PTPRQ: variants seen among roughly 807,000 people sequenced by gnomAD.
The protein encoded by PTPRQ is protein tyrosine phosphatase receptor type Q.
A neutral mutation model predicts 246.0 loss-of-function variants in PTPRQ; 199 were observed. That is an observed-to-expected ratio of 0.81 (90% CI 0.72 to 0.91). PTPRQ has a LOEUF of 0.91. Among genes scored for constraint, PTPRQ ranks in the 40% least tolerant of loss-of-function variants. The pLI is 0.00. For missense variants in PTPRQ, 2,624 were observed against 2,528.4 expected (o/e 1.04, Z -0.81); for synonymous variants, 869 against 853.2 (o/e 1.02, Z -0.32).
At chr12:80,552,648 TATATATATATATATATA>T (rs1896516957) in intron 25 of PTPRQ, among the ~76,000 whole-genome samples, 3 of 3,914 alleles carry the variant, frequency 7.7e-4, no homozygotes, top group African/African-American at 1.8e-3. Context: ...AAAAAAATTA[TATATATATATATATATA>T]TATATATATA....
intron 8 of PTPRQ, among the ~76,000 whole-genome samples, chr12:80,474,836 C>T (rs758246933): frequency 3.9e-5 from 6 of 152,070 alleles, no homozygotes; most frequent in Non-Finnish European, 7.4e-5. Flanking sequence ...TAAAAGCAGA[C>T]AAATTTCTGA....
intron 25 of PTPRQ, among the ~76,000 whole-genome samples, chr12:80,562,057 T>C (rs1896843486): frequency 6.6e-6 from 1 of 152,200 alleles, no homozygotes; most frequent in African/African-American, 2.4e-5. Context: ...CTTTGCTTGT[T>C]AATAAGGTGG....
At chr12:80,563,609 T>C (rs1319633338) in intron 25 of PTPRQ, among the ~76,000 whole-genome samples, 2 of 152,170 alleles carry the variant, frequency 1.3e-5, no homozygotes, top group East Asian at 3.8e-4. Context: ...CAGGTAGGGG[T>C]AGAAATCCGG....
At chr12:80,620,697 G>A (rs1898949138) in intron 32 of PTPRQ, among the ~76,000 whole-genome samples, 1 of 151,766 alleles carries the variant, frequency 6.6e-6, no homozygotes, top group Non-Finnish European at 1.5e-5. Context: ...AGAGGACAAT[G>A]TGACTAATGT....
At chr12:80,556,868 C>A (rs181259852) in intron 25 of PTPRQ, among the ~76,000 whole-genome samples, 1 of 152,182 alleles carries the variant, frequency 6.6e-6, no homozygotes, top group East Asian at 1.9e-4. Flanking sequence ...CAAAGCTTGA[C>A]TACAGAGGAG....
chr12:80,630,163 C>G (rs1446440878), intron 33 of PTPRQ, among the ~76,000 whole-genome samples: 3 of 152,080 alleles, frequency 2.0e-5, no homozygotes, highest in Non-Finnish European at 4.4e-5. Flanking sequence ...GAATCAGGAT[C>G]CAAATAGGAA....
intron 3 of PTPRQ, among the ~76,000 whole-genome samples, chr12:80,448,996 G>T (rs191807606): frequency 6.6e-5 from 10 of 151,624 alleles, no homozygotes; most frequent in African/African-American, 2.4e-4. Flanking sequence ...CACCAACAGT[G>T]TAAAAGTGTT....
intron 8 of PTPRQ, among the ~76,000 whole-genome samples, chr12:80,481,224 T>A (rs1015987419): frequency 5.3e-5 from 8 of 152,012 alleles, no homozygotes; most frequent in Non-Finnish European, 1.2e-4. Flanking sequence ...TTCAATATAT[T>A]AAAATCAATA....
At chr12:80,529,523 T>C (rs1245195538) in intron 17 of PTPRQ, among the ~76,000 whole-genome samples, 1 of 152,202 alleles carries the variant, frequency 6.6e-6, no homozygotes, top group East Asian at 1.9e-4. Context: ...ATTTATTTAC[T>C]GTGGTTTGGG....
chr12:80,558,057 CCCTTCCTT>C (rs1486528794), intron 25 of PTPRQ, among the ~76,000 whole-genome samples: 1 of 151,074 alleles, frequency 6.6e-6, no homozygotes, highest in African/African-American at 2.4e-5. Flanking sequence ...CTCCCTTCCT[CCCTTCCTT>C]CCCTTCCCTT....
chr12:80,478,437 G>C (rs890640141), intron 8 of PTPRQ, among the ~76,000 whole-genome samples: 17 of 152,118 alleles, frequency 1.1e-4, no homozygotes, highest in African/African-American at 2.9e-4. Flanking sequence ...GGAAAAAACA[G>C]AACAGAAAAA....
intron 39 of PTPRQ, among the ~76,000 whole-genome samples, chr12:80,659,786 C>T (rs537748087): frequency 3.3e-5 from 5 of 152,142 alleles, no homozygotes; most frequent in East Asian, 1.9e-4. Context: ...CTTACAACAA[C>T]GTCACTATGA....
At chr12:80,546,460 G>T (rs1896308178) in intron 23 of PTPRQ, 96 bp from the exon 24 acceptor site, 1 of 1,162,828 alleles carries the variant, frequency 8.6e-7, no homozygotes, top group Non-Finnish European at 1.2e-6. Flanking sequence ...TTAAACTATA[G>T]GTTAAATATA....
At chr12:80,605,261 G>T in intron 27 of PTPRQ, 81 bp downstream of exon 27, 1 of 1,484,664 alleles carries the variant, frequency 6.7e-7, no homozygotes, top group East Asian at 2.6e-5. Flanking sequence ...ATTTGAATTT[G>T]AATTTTGGCT....
intron 23 of PTPRQ, among the ~76,000 whole-genome samples, chr12:80,543,582 C>T (rs1896218079): frequency 1.3e-5 from 2 of 152,058 alleles, no homozygotes; most frequent in African/African-American, 2.4e-5. Flanking sequence ...ATTTAGTTTA[C>T]AGCAAGAAGA....
intron 6 of PTPRQ, among the ~76,000 whole-genome samples, chr12:80,465,004 C>G (rs372241530): frequency 2.3e-5 from 2 of 86,058 alleles, no homozygotes; most frequent in East Asian, 6.4e-4. Context: ...TAACTAAAAT[C>G]AGAGCAGAAC....
intron 8 of PTPRQ, among the ~76,000 whole-genome samples, chr12:80,483,217 T>C (rs1476154863): frequency 7.7e-6 from 1 of 130,114 alleles, no homozygotes; most frequent in Non-Finnish European, 1.6e-5. Context: ...TGAGTTCATG[T>C]CCTTTGTAGG....
chr12:80,493,869 T>G (rs993984696), intron 10 of PTPRQ, among the ~76,000 whole-genome samples: 1 of 151,982 alleles, frequency 6.6e-6, no homozygotes, highest in African/African-American at 2.4e-5. Flanking sequence ...GTGCATGGTG[T>G]GATAAACAGG....
chr12:80,629,167 C>CAG (rs1398896574), intron 33 of PTPRQ, among the ~76,000 whole-genome samples: 9 of 133,656 alleles, frequency 6.7e-5, no homozygotes, highest in Non-Finnish European at 1.1e-4. Context: ...CACACACACA[C>CAG]ACACACAGAG....
Sources: gnomAD v4.1 joint callset for allele counts (sites outside exome capture counted in the v4.1 genomes callset) on GRCh38, gnomAD v4.1.1 for gene constraint, MANE v1.5 for transcripts, NCBI Gene and HGNC (gene_info 2026-07-23, HGNC 2026-07-21) for gene names.